Variants in UNC13C observed in about 807,000 individuals in gnomAD.
The protein encoded by UNC13C is protein unc-13 homolog C.
A neutral mutation model predicts 245.4 loss-of-function variants in UNC13C; 174 were observed. The ratio of observed to expected loss-of-function variants is 0.71; its 90% CI spans 0.63 to 0.80. UNC13C has a LOEUF of 0.80. Ranked by LOEUF, UNC13C falls within the 30% of genes least tolerant of loss-of-function variation. The pLI is 0.00. For synonymous variants in UNC13C, 992 were observed against 895.1 expected (o/e 1.11, Z -1.93); for missense variants, 2,829 against 2,602.9 (o/e 1.09, Z -1.89).
At chr15:54,208,254 C>A (rs1290803702) in intron 4 of UNC13C, among the ~76,000 whole-genome samples, 1 of 152,014 alleles carries the variant, frequency 6.6e-6, no homozygotes, top group Non-Finnish European at 1.5e-5. Context: ...GAGGGATGAC[C>A]CCCGCCCTGT....
rs2037534062 is a variant in UNC13C at position 54,300,012 on chromosome 15, C to G, written c.4105-198C>G. On this transcript the variant is annotated intron_variant, in intron 12 of 32. Coordinates refer to ENST00000260323, the MANE Select transcript of UNC13C (RefSeq NM_001080534.3). The stretch of plus-strand genomic sequence containing the variant: ...CCATATTTATATCAGCGCTTTTACC[C>G]AGGCAGAAATCAAAGCAGATTTTGC... 2.0e-5 allele frequency among the ~76,000 whole-genome samples: 3 copies of G among 152,100 alleles called. No individual in the cohort carries two copies. The South Asian group carries it at 6.2e-4, about 32-fold the overall frequency.
intron 19 of UNC13C, among the ~76,000 whole-genome samples, chr15:54,445,672 T>A (rs191430039): frequency 2.0e-5 from 3 of 152,160 alleles, no homozygotes; most frequent in Admixed American, 6.5e-5. Context: ...GTTTGAGTTC[T>A]TTGTAGATTC....
upstream of UNC13C, among the ~76,000 whole-genome samples, chr15:53,974,032 G>A (rs1893622534): frequency 6.6e-6 from 1 of 152,120 alleles, no homozygotes; most frequent in Non-Finnish European, 1.5e-5. Context: ...TACTAGTTCT[G>A]TACAACCAGA....
At chr15:54,244,812 A>T (rs1596074330) in intron 7 of UNC13C, among the ~76,000 whole-genome samples, 1 of 151,966 alleles carries the variant, frequency 6.6e-6, no homozygotes, top group Non-Finnish European at 1.5e-5. Context: ...CATTTTTTGC[A>T]CATTGATTTT....
chr15:53,945,773 T>C, the UNC13C span, among the ~76,000 whole-genome samples: 1 of 152,160 alleles, frequency 6.6e-6, no homozygotes, highest in Non-Finnish European at 1.5e-5. Context: ...TTTTTCCTAG[T>C]TATGTGAATA....
chr15:54,456,030 G>A (rs1024251497), intron 19 of UNC13C, among the ~76,000 whole-genome samples: 1 of 152,114 alleles, frequency 6.6e-6, no homozygotes, highest in Non-Finnish European at 1.5e-5. Flanking sequence ...GATAAATCTT[G>A]AGTTGATTTT....
chr15:54,257,645 C>G (rs2036312947), intron 8 of UNC13C, among the ~76,000 whole-genome samples: 1 of 152,172 alleles, frequency 6.6e-6, no homozygotes, highest in South Asian at 2.1e-4. Context: ...GAGTTACCTA[C>G]AGGCTCTCAC....
intron 1 of UNC13C, among the ~76,000 whole-genome samples, chr15:54,004,259 C>T (rs1247322095): frequency 6.6e-6 from 1 of 152,136 alleles, no homozygotes; most frequent in Non-Finnish European, 1.5e-5. Flanking sequence ...TGAGAATATG[C>T]AATGTTTGTC....
chr15:54,464,837 G>A (rs1048436425), intron 19 of UNC13C, among the ~76,000 whole-genome samples: 1 of 151,258 alleles, frequency 6.6e-6, no homozygotes, highest in Non-Finnish European at 1.5e-5. Flanking sequence ...CAAATGGAAT[G>A]CTTTTAAATG....
At chr15:54,516,373 A>G (rs1396683032) in intron 24 of UNC13C, among the ~76,000 whole-genome samples, 1 of 152,166 alleles carries the variant, frequency 6.6e-6, no homozygotes. Context: ...CACATCACTG[A>G]ACTCTACCCC....
chr15:53,947,529 G>A, the UNC13C span: 7 of 152,162 alleles, frequency 4.6e-5, no homozygotes, highest in African/African-American at 1.7e-4. Flanking sequence ...ACTGGAAGTA[G>A]CTGCTCCTTT....
chr15:54,588,719 C>T lies in UNC13C; in HGVS notation c.6106+20772C>T, dbSNP rs79954706. Among the ~76,000 whole-genome samples the T allele has an allele frequency of 4.1e-3, 624 of 152,282 alleles. 7 individuals are homozygous for T. The highest frequency in any genetic ancestry group is 0.014 in the African/African-American group (577 of 41,542). On this transcript the variant is annotated intron_variant, in intron 30 of 32. Coordinates refer to ENST00000260323, the MANE Select transcript of UNC13C (RefSeq NM_001080534.3). ...TCCTTATAGCTTAGCTCCCATATAT[C>T]ATTGAGAACATGCAATGTTTGATTT...
intron 30 of UNC13C, among the ~76,000 whole-genome samples, chr15:54,576,732 CCAGCACATGGATT>C (rs912384581): frequency 1.3e-5 from 2 of 152,184 alleles, no homozygotes; most frequent in African/African-American, 4.8e-5. Flanking sequence ...TTGTCCCCCA[CCAGCACATGGATT>C]CATCTTGTGA....
intron 4 of UNC13C, among the ~76,000 whole-genome samples, chr15:54,195,289 C>T (rs886988938): frequency 3.3e-5 from 5 of 152,168 alleles, no homozygotes; most frequent in African/African-American, 1.2e-4. Context: ...ACATCATTGG[C>T]TGGCAGATAA....
chr15:54,188,804 A>G (rs2034082674), intron 4 of UNC13C, among the ~76,000 whole-genome samples: 1 of 152,204 alleles, frequency 6.6e-6, no homozygotes, highest in Non-Finnish European at 1.5e-5. Context: ...AATTGCATTT[A>G]TTGGAAATTT....
chr15:54,289,764 T>G (rs1209391631), intron 10 of UNC13C, among the ~76,000 whole-genome samples: 1 of 151,914 alleles, frequency 6.6e-6, no homozygotes, highest in Non-Finnish European at 1.5e-5. Context: ...AATAGTACTG[T>G]GAAACCCTGT....
At chr15:54,152,270 T>TGGCACAGGA (rs2032554260) in intron 4 of UNC13C, among the ~76,000 whole-genome samples, 1 of 152,184 alleles carries the variant, frequency 6.6e-6, no homozygotes, top group Admixed American at 6.5e-5. Flanking sequence ...CAACTTAATA[T>TGGCACAGGA]GGCAGCTAGC....
chr15:54,062,268 G>A (rs370299168), intron 2 of UNC13C, among the ~76,000 whole-genome samples: 58 of 150,622 alleles, frequency 3.9e-4, no homozygotes, highest in South Asian at 2.1e-3. Flanking sequence ...GCAGTGAGCC[G>A]AGATCGCCCA....
chr15:54,217,507 G>C (rs1223369617), intron 4 of UNC13C, among the ~76,000 whole-genome samples: 1 of 151,870 alleles, frequency 6.6e-6, no homozygotes, highest in Non-Finnish European at 1.5e-5. Context: ...TCTGCCAGAG[G>C]CTCTTTCATT....
Sources: allele counts gnomAD v4.1 joint callset (sites outside exome capture counted in the v4.1 genomes callset), GRCh38; gene constraint gnomAD v4.1.1; transcripts MANE v1.5; gene names NCBI Gene and HGNC (gene_info 2026-07-23, HGNC 2026-07-21).